The following ATRNL1 variants were observed in gnomAD, a reference collection of about 807,000 sequenced individuals.
The protein encoded by ATRNL1 is attractin like 1.
In ATRNL1, 95 loss-of-function variants were observed where a neutral mutation model predicts 182.7. That is an observed-to-expected ratio of 0.52 (90% CI 0.44 to 0.62). ATRNL1 has a LOEUF of 0.62. ATRNL1 is among the 20% of genes least tolerant of loss of function. The pLI is 0.00. For synonymous variants in ATRNL1, 576 were observed against 568.3 expected, an observed-to-expected ratio of 1.01 and a Z score of -0.19; for missense variants, 1,471 against 1,679.5, an observed-to-expected ratio of 0.88 and a Z score of 2.17.
chr10:115,102,177 C>T (rs781994395), intron 1 of ATRNL1, among the ~76,000 whole-genome samples: 2 of 152,098 alleles, frequency 1.3e-5, no homozygotes, highest in Non-Finnish European at 2.9e-5. Context: ...TATTTTGAAA[C>T]TATGTTATTA....
intron 26 of ATRNL1, among the ~76,000 whole-genome samples, chr10:115,616,417 T>C (rs1263489438): frequency 6.6e-6 from 1 of 152,024 alleles, no homozygotes; most frequent in Non-Finnish European, 1.5e-5. Context: ...AACCATGTGG[T>C]AGAAAAGAAA....
At chr10:115,582,462 T>C (rs1163719744) in intron 26 of ATRNL1, among the ~76,000 whole-genome samples, 3 of 134,596 alleles carry the variant, frequency 2.2e-5, no homozygotes, top group African/African-American at 7.9e-5. Context: ...TGGTATCTCA[T>C]TGTGGTTTTG....
intron 28 of ATRNL1, among the ~76,000 whole-genome samples, chr10:115,872,561 A>C (rs1951609339): frequency 6.6e-6 from 1 of 152,242 alleles, no homozygotes; most frequent in South Asian, 2.1e-4. Flanking sequence ...CTGATAAGAC[A>C]CAAAGGATCC....
rs551502316 is a variant in ATRNL1 at position 115,367,436 on chromosome 10, G to C, written c.3176-27223G>C. Among the ~76,000 whole-genome samples the C allele has an allele frequency of 1.6e-4, 23 of 143,594 alleles. No individual in the cohort carries two copies. In the East Asian group the frequency reaches 4.6e-3, roughly 29 times the overall value. 94.2% of individuals were successfully genotyped at this position (143,594 alleles called of 152,430 possible). ...TACATTCTTCTAAATTTTTTTCAAA[G>C]TTTTCAACTTCTTTGCCTTTGGTTT... On this transcript the variant is annotated intron_variant, in intron 19 of 28. Coordinates refer to ENST00000355044, the MANE Select transcript of ATRNL1 (RefSeq NM_207303.4).
At chr10:115,169,335 TA>T (rs1847193420) in intron 7 of ATRNL1, among the ~76,000 whole-genome samples, 1 of 151,608 alleles carries the variant, frequency 6.6e-6, no homozygotes, top group African/African-American at 2.4e-5. Flanking sequence ...GCCTCCTGAG[TA>T]GCTGGGATTA....
intron 28 of ATRNL1, among the ~76,000 whole-genome samples, chr10:115,882,623 T>C (rs1325328793): frequency 6.6e-6 from 1 of 152,168 alleles, no homozygotes; most frequent in African/African-American, 2.4e-5. Flanking sequence ...TTGTAGGCAG[T>C]GTTACAACTC....
At chr10:115,123,145 A>C (rs1417303768) in intron 3 of ATRNL1, among the ~76,000 whole-genome samples, 2 of 152,228 alleles carry the variant, frequency 1.3e-5, no homozygotes, top group Admixed American at 6.5e-5. Context: ...GGCTGTGAAG[A>C]TGGAATTAGT....
chr10:115,435,029 CTTTT>C (rs34902658), intron 21 of ATRNL1, among the ~76,000 whole-genome samples: 2 of 130,952 alleles, frequency 1.5e-5, no homozygotes, highest in Non-Finnish European at 1.6e-5. Flanking sequence ...AAACCTGGGA[CTTTT>C]TTTTTTTTTT....
chr10:115,730,552 T>G (rs1555062406), intron 27 of ATRNL1, among the ~76,000 whole-genome samples: 1 of 152,128 alleles, frequency 6.6e-6, no homozygotes, highest in East Asian at 1.9e-4. Context: ...CATATGTGTG[T>G]GTATGTGTAT....
chr10:115,125,955 G>A (rs542545118), intron 3 of ATRNL1, among the ~76,000 whole-genome samples: 9 of 152,154 alleles, frequency 5.9e-5, no homozygotes, highest in African/African-American at 2.2e-4. Flanking sequence ...CTAGATTTCA[G>A]TTGGTCCGAA....
chr10:115,098,249 G>T (rs1365545158), intron 1 of ATRNL1, among the ~76,000 whole-genome samples: 1 of 152,012 alleles, frequency 6.6e-6, no homozygotes, highest in Non-Finnish European at 1.5e-5. Context: ...TCAAGAACAC[G>T]TGTCTGCATG....
intron 19 of ATRNL1, among the ~76,000 whole-genome samples, chr10:115,353,087 T>A (rs1442620813): frequency 6.6e-6 from 1 of 152,172 alleles, no homozygotes; most frequent in Non-Finnish European, 1.5e-5. Context: ...GTCCATCTGG[T>A]CTGTAGTGCA....
chr10:115,355,761 C>A lies in ATRNL1; in HGVS notation c.3175+21342C>A, dbSNP rs537713110. ...GTTGGTATTATGAATACATTTTTTT[C>A]CTTTAATATTACATTTGTAATTGGT... is the stretch of plus-strand genomic sequence containing the variant. On this transcript the variant is annotated intron_variant, in intron 19 of 28. Coordinates refer to ENST00000355044, the MANE Select transcript of ATRNL1 (RefSeq NM_207303.4). Among the ~76,000 whole-genome samples, 6 of 151,338 alleles carry A rather than the reference C, an allele frequency of 4.0e-5. No homozygotes were observed. The East Asian group carries it at 7.8e-4, about 20-fold the overall frequency.
chr10:115,737,043 CCAGTTTTATCTGGTTGCCTTGGAG>C (rs1305876676), intron 27 of ATRNL1, among the ~76,000 whole-genome samples: 5 of 152,086 alleles, frequency 3.3e-5, no homozygotes, highest in East Asian at 1.9e-4. Context: ...TGCACCCTCT[CCAGTTTTATCTGGTTGCCTTGGAG>C]CAGTTTTATC....
chr10:115,448,525 T>C (rs1184581218), intron 21 of ATRNL1, among the ~76,000 whole-genome samples: 5 of 151,840 alleles, frequency 3.3e-5, no homozygotes, highest in African/African-American at 1.2e-4. Context: ...GCTAAGGCAG[T>C]GTTAAGAGGG....
intron 25 of ATRNL1, among the ~76,000 whole-genome samples, chr10:115,521,235 C>G (rs564138643): frequency 6.6e-6 from 1 of 151,778 alleles, no homozygotes; most frequent in Non-Finnish European, 1.5e-5. Context: ...CTCACTGCAA[C>G]CTTCACCTCC....
chr10:115,654,355 G>T (rs1463326165), intron 26 of ATRNL1, among the ~76,000 whole-genome samples: 2 of 151,878 alleles, frequency 1.3e-5, no homozygotes, highest in African/African-American at 4.8e-5. Flanking sequence ...AAGTAGCTGG[G>T]ATTAAGGCAC....
intron 19 of ATRNL1, among the ~76,000 whole-genome samples, chr10:115,375,824 CT>C (rs1857639457): frequency 3.3e-5 from 5 of 151,916 alleles, no homozygotes; most frequent in African/African-American, 7.2e-5. Flanking sequence ...TACTTCATTA[CT>C]TTTTTCTTTT....
At chr10:115,541,238 C>G (rs1852340553) in intron 25 of ATRNL1, among the ~76,000 whole-genome samples, 1 of 152,064 alleles carries the variant, frequency 6.6e-6, no homozygotes, top group African/African-American at 2.4e-5. Flanking sequence ...CTCCTTTCTC[C>G]AAAAATGACA....
Sources: gnomAD v4.1 joint callset for allele counts (sites outside exome capture counted in the v4.1 genomes callset) on GRCh38, gnomAD v4.1.1 for gene constraint, MANE v1.5 for transcripts, NCBI Gene and HGNC (gene_info 2026-07-23, HGNC 2026-07-21) for gene names.